The following ZYG11B variants were observed in gnomAD, a reference collection of about 807,000 sequenced individuals.
ZYG11B encodes the protein protein zyg-11 homolog B.
A neutral mutation model predicts 82.4 loss-of-function variants in ZYG11B; 36 were observed. The ratio of observed to expected loss-of-function variants is 0.44; its 90% confidence interval spans 0.33 to 0.58. ZYG11B has a LOEUF of 0.58. Among genes scored for constraint, ZYG11B ranks in the 20% least tolerant of loss-of-function variants. The pLI, the probability that ZYG11B is intolerant of heterozygous loss-of-function variation, is 0.02. For missense variants in ZYG11B, 552 were observed against 895.6 expected (o/e 0.62, Z 4.90); for synonymous variants, 303 against 312.8 (o/e 0.97, Z 0.33).
At chr1:52,778,857 C>T (rs767688829) in intron 3 of ZYG11B, among the ~76,000 whole-genome samples, 13 of 151,912 alleles carry the variant, frequency 8.6e-5, no homozygotes, top group Non-Finnish European at 1.3e-4. Flanking sequence ...TGAAAAGGAG[C>T]GTGATAAATC....
intron 1 of ZYG11B, among the ~76,000 whole-genome samples, chr1:52,743,027 TGC>T (rs1288120079): frequency 6.6e-6 from 1 of 151,852 alleles, no homozygotes; most frequent in East Asian, 1.9e-4. Flanking sequence ...GGAGCCCCTC[TGC>T]CCGGCCGCCA....
chr1:52,734,785 A>G (rs370138213), intron 1 of ZYG11B, among the ~76,000 whole-genome samples: 58 of 151,320 alleles, frequency 3.8e-4, no homozygotes, highest in Admixed American at 1.8e-3. Context: ...TTGGAGTGCA[A>G]TGGTGCAATC....
intron 2 of ZYG11B, among the ~76,000 whole-genome samples, chr1:52,763,595 T>C (rs1413145030): frequency 2.6e-5 from 4 of 151,962 alleles, no homozygotes; most frequent in East Asian, 1.9e-4. Flanking sequence ...ACTAGTATTA[T>C]AGTTATGAAC....
At position 52,783,835 on chromosome 1, in the gene ZYG11B, T is replaced by TGC. The variant is rs1211439029; in HGVS notation, c.1093-1041_1093-1040insCG. Reference sequence around the variant, plus strand: ...ACACACGTATATGTATACATACGTGTGTATATGTACATACACGTGTGTGTG... The same window carrying TGC: ...ACACACGTATATGTATACATACGTGTGCGTATATGTACATACACGTGTGTGTG... On this transcript the variant is annotated intron_variant, in intron 4 of 13. Coordinates refer to ENST00000294353, the MANE Select transcript of ZYG11B (RefSeq NM_024646.3). Among the ~76,000 whole-genome samples the TGC allele has an allele frequency of 1.8e-3, 262 of 148,232 alleles. 7 individuals are homozygous for TGC. The highest frequency in any genetic ancestry group is 0.01 in the Middle Eastern group (3 of 286).
At position 52,771,921 on chromosome 1, in the gene ZYG11B, A is replaced by C. The variant is rs1644755328; in HGVS notation, c.951+147A>C. On this transcript the variant is annotated intron_variant, in intron 3 of 13. Coordinates refer to ENST00000294353, the MANE Select transcript of ZYG11B (RefSeq NM_024646.3). This position sits in a 1 kb window ranked among gnomAD's most constrained non-coding sequence, Gnocchi z 5.4. ...TGAAAGGCTTAGAGTCCTAATTAAA[A>C]TCTCAGCTTCATGACCCAGAACAAG... is the stretch of plus-strand genomic sequence containing the variant. 1 of 1,000,104 alleles carries C rather than the reference A, an allele frequency of 1.0e-6. No homozygotes were observed. Among genetic ancestry groups the C allele is most frequent in the South Asian group, 1.7e-5 (1 of 58,900 alleles). The allele number at this position is 1,000,104 out of a possible 1,614,324, so 62.0% of individuals were successfully genotyped here.
intron 1 of ZYG11B, among the ~76,000 whole-genome samples, chr1:52,747,452 G>A (rs374157075): frequency 6.6e-6 from 1 of 152,084 alleles, no homozygotes; most frequent in East Asian, 1.9e-4. Context: ...TTTGAGAGAT[G>A]ATATGGTGTA....
intron 10 of ZYG11B, chr1:52,805,091 C>CAAA (rs57893615): frequency 3.6e-5 from 4 of 112,328 alleles, no homozygotes; most frequent in South Asian, 2.9e-4. Context: ...AACTCTGTCT[C>CAAA]AAAAAAAAAA....
intron 10 of ZYG11B, among the ~76,000 whole-genome samples, chr1:52,807,791 G>C (rs1437586015): frequency 6.6e-6 from 1 of 152,126 alleles, no homozygotes; most frequent in African/African-American, 2.4e-5. Flanking sequence ...ATAGCCTGGT[G>C]TCATTTTTCT....
At chr1:52,750,147 T>C (rs111515808) in intron 1 of ZYG11B, among the ~76,000 whole-genome samples, 1 of 151,646 alleles carries the variant, frequency 6.6e-6, no homozygotes, top group Non-Finnish European at 1.5e-5. Flanking sequence ...ACCCAGGCAG[T>C]AGAGCAGTGG....
At chr1:52,797,411 T>A (rs1433778985) in intron 8 of ZYG11B, among the ~76,000 whole-genome samples, 10 of 68,220 alleles carry the variant, frequency 1.5e-4, no homozygotes, top group African/African-American at 5.1e-4. Context: ...GAAATATATA[T>A]CATATATTAT....
chr1:52,783,805 T>TATATATATACAC (rs74185908), intron 4 of ZYG11B, among the ~76,000 whole-genome samples: 19 of 135,016 alleles, frequency 1.4e-4, no homozygotes, highest in African/African-American at 4.5e-4. Context: ...TATATATATA[T>TATATATATACAC]ACACACACAC....
intron 1 of ZYG11B, among the ~76,000 whole-genome samples, chr1:52,755,966 A>G (rs1458070731): frequency 1.3e-5 from 2 of 149,004 alleles, no homozygotes; most frequent in Non-Finnish European, 3.0e-5. Flanking sequence ...TGCCTAGCTA[A>G]TTTTTGTATT....
intron 8 of ZYG11B, among the ~76,000 whole-genome samples, chr1:52,797,295 A>AATATTTATATTATATATAAT (rs1645028529): frequency 1.1e-5 from 1 of 89,660 alleles, no homozygotes; most frequent in Non-Finnish European, 1.9e-5. Context: ...TTATATATAA[A>AATATTTATATTATATATAAT]ATATAATATA....
At chr1:52,796,175 A>G in intron 6 of ZYG11B, 117 bp from the exon 7 acceptor site, 1 of 656,234 alleles carries the variant, frequency 1.5e-6, no homozygotes. Context: ...ACCAGTTAAG[A>G]GGAATTTTCC....
At chr1:52,785,105 A>T in intron 5 of ZYG11B, 52 bp downstream of exon 5, 1 of 1,562,294 alleles carries the variant, frequency 6.4e-7, no homozygotes, top group Non-Finnish European at 8.7e-7. Context: ...TCTTCTACTC[A>T]TCTCCTACAG....
intron 6 of ZYG11B, among the ~76,000 whole-genome samples, chr1:52,792,173 A>AT (rs1473625854): frequency 6.6e-6 from 1 of 152,164 alleles, no homozygotes; most frequent in Non-Finnish European, 1.5e-5. Context: ...GCTATGACTG[A>AT]TTCATCTCTT....
intron 8 of ZYG11B, among the ~76,000 whole-genome samples, chr1:52,797,859 C>T (rs1163699408): frequency 6.6e-6 from 1 of 151,764 alleles, no homozygotes; most frequent in Non-Finnish European, 1.5e-5. Flanking sequence ...TGCGGTGACC[C>T]ACACCTGTAA....
chr1:52,806,680 T>C (rs1645144226), intron 10 of ZYG11B, among the ~76,000 whole-genome samples: 1 of 152,204 alleles, frequency 6.6e-6, no homozygotes, highest in Admixed American at 6.6e-5. Flanking sequence ...TTTATCCTTT[T>C]ACTTTTAACC....
intron 8 of ZYG11B, among the ~76,000 whole-genome samples, 191 bp downstream of exon 8, chr1:52,796,975 T>A (rs1353121745): frequency 1.5e-5 from 1 of 66,070 alleles, no homozygotes; most frequent in Non-Finnish European, 2.4e-5. Flanking sequence ...ATAATATATA[T>A]AAATATATAT....
Sources: allele counts gnomAD v4.1 joint callset (sites outside exome capture counted in the v4.1 genomes callset), GRCh38; gene constraint gnomAD v4.1.1; non-coding constraint Gnocchi (gnomAD v3.1); transcripts MANE v1.5; gene names NCBI Gene and HGNC (gene_info 2026-07-23, HGNC 2026-07-21).